Variants in EMP2 observed in about 807,000 individuals in gnomAD.
EMP2 encodes the protein epithelial membrane protein 2.
Under a neutral mutation model 13.7 loss-of-function variants are expected in EMP2, and 19 were observed. The ratio of observed to expected loss-of-function variants is 1.38; its 90% CI spans 0.97 to 2.03. The LOEUF (loss-of-function observed/expected upper bound fraction) is 2.03. Among genes scored for constraint, EMP2 ranks in the 30% most tolerant of loss-of-function variants. The pLI is 0.00. For missense variants in EMP2, 253 were observed against 220.7 expected (o/e 1.15, Z -0.93); for synonymous variants, 97 against 84.7 (o/e 1.15, Z -0.80).
intron 1 of EMP2, among the ~76,000 whole-genome samples, chr16:10,558,720 T>C (rs1191359831): frequency 6.6e-6 from 1 of 152,002 alleles, no homozygotes; most frequent in Non-Finnish European, 1.5e-5. Flanking sequence ...TCTCCACCCG[T>C]GAGCCCCATC....
chr16:10,552,167 A>T lies in EMP2; in HGVS notation c.-60-4490T>A, dbSNP rs112775276. ...TGCATTTCTGACCCTGGGGGGAAAA[A>T]GGGCTCATGTACCACGCTGAATGCC... On this transcript the variant is annotated intron_variant, in intron 1 of 4. Transcript: ENST00000359543. 7.2e-3 allele frequency among the ~76,000 whole-genome samples: 1,080 copies of T among 149,694 alleles called. 10 individuals carry two copies. Among genetic ancestry groups the T allele is most frequent in the African/African-American group, 0.025 (1,029 of 40,446 alleles).
chr16:10,534,192 C>T (rs1223536099), intron 4 of EMP2, among the ~76,000 whole-genome samples: 1 of 152,108 alleles, frequency 6.6e-6, no homozygotes, highest in Non-Finnish European at 1.5e-5. Flanking sequence ...GCTCTCCTTT[C>T]TCTTGCTGAC....
chr16:10,554,103 C>T (rs2050809785), intron 1 of EMP2, among the ~76,000 whole-genome samples: 1 of 150,818 alleles, frequency 6.6e-6, no homozygotes, highest in South Asian at 2.1e-4. Context: ...GTGATATCGG[C>T]TCACTGCAAC....
chr16:10,537,811 C>A (rs568835337), intron 4 of EMP2, 117 bp downstream of exon 4: 3 of 1,369,616 alleles, frequency 2.2e-6, no homozygotes, highest in South Asian at 2.6e-5. Context: ...CAGCACCGCG[C>A]GGCTGCCAAT....
chr16:10,559,837 G>C (rs951276511), intron 1 of EMP2, among the ~76,000 whole-genome samples: 1 of 152,072 alleles, frequency 6.6e-6, no homozygotes, highest in Non-Finnish European at 1.5e-5. Flanking sequence ...ACCATGCCTG[G>C]CTAGTTTTTG....
At chr16:10,570,134 C>G (rs2050937045) in intron 1 of EMP2, among the ~76,000 whole-genome samples, 1 of 151,988 alleles carries the variant, frequency 6.6e-6, no homozygotes, top group Admixed American at 6.5e-5. Context: ...CCAGCTCTTG[C>G]TGGGCTTAAA....
intron 4 of EMP2, among the ~76,000 whole-genome samples, chr16:10,535,166 A>G (rs2050637622): frequency 6.6e-6 from 1 of 152,104 alleles, no homozygotes; most frequent in African/African-American, 2.4e-5. Flanking sequence ...GCTTGCGTCT[A>G]AAGATCCCTG....
At chr16:10,568,780 CTTTTT>C (rs58406598) in intron 1 of EMP2, among the ~76,000 whole-genome samples, 4 of 85,236 alleles carry the variant, frequency 4.7e-5, no homozygotes, top group African/African-American at 1.9e-4. Context: ...CTAGGATTTT[CTTTTT>C]TTTTTTTTTT....
chr16:10,543,496 A>T, intron 3 of EMP2, 74 bp downstream of exon 3: 1 of 1,531,708 alleles, frequency 6.5e-7, no homozygotes, highest in South Asian at 1.1e-5. Context: ...GGAGTCGGGG[A>T]ACCCGAAGCC....
rs2050709479 is a variant in EMP2, at chr16:10,542,729, G to A, written c.169+841C>T. The stretch of plus-strand genomic sequence containing the variant: ...GCCTTTTCATGTATTTTAGCTCATT[G>A]AAGAGGTGGGCACAGCAAAGGCATC... On this transcript the variant is annotated intron_variant, in intron 3 of 4. Transcript: ENST00000359543. Among the ~76,000 whole-genome samples the A allele has an allele frequency of 2.0e-5, 3 of 152,346 alleles. No homozygotes were observed. The South Asian group carries it at 6.2e-4, about 32-fold the overall frequency.
chr16:10,574,118 G>C (rs1286720781), intron 1 of EMP2, among the ~76,000 whole-genome samples: 1 of 151,158 alleles, frequency 6.6e-6, no homozygotes, highest in African/African-American at 2.4e-5. Context: ...TTGTATTTTT[G>C]GTAGAGATGG....
chr16:10,563,795 T>C (rs758962721), intron 1 of EMP2, among the ~76,000 whole-genome samples: 90 of 152,202 alleles, frequency 5.9e-4, no homozygotes, highest in Non-Finnish European at 9.7e-4. Flanking sequence ...GGGGATGACA[T>C]TGGTATCCCT....
intron 4 of EMP2, among the ~76,000 whole-genome samples, chr16:10,534,340 G>C (rs1596367148): frequency 6.6e-6 from 1 of 152,300 alleles, no homozygotes; most frequent in East Asian, 1.9e-4. Flanking sequence ...CGCAGACGCT[G>C]CTAAATCAGC....
At chr16:10,568,475 A>G (rs188059401) in intron 1 of EMP2, among the ~76,000 whole-genome samples, 179 of 152,352 alleles carry the variant, frequency 1.2e-3, no homozygotes, top group Admixed American at 4.1e-3. Flanking sequence ...CTCCTGGGAA[A>G]AAGAACAGAC....
At chr16:10,554,035 C>CT (rs34514394) in intron 1 of EMP2, among the ~76,000 whole-genome samples, 51,590 of 138,028 alleles carry the variant, frequency 0.37, 9,788 homozygotes, top group Non-Finnish European at 0.44. Flanking sequence ...TTCTTTCTTT[C>CT]TTTTTTTTTT....
chr16:10,559,348 G>T (rs1347567522), intron 1 of EMP2, among the ~76,000 whole-genome samples: 1 of 152,242 alleles, frequency 6.6e-6, no homozygotes, highest in African/African-American at 2.4e-5. Flanking sequence ...GGGGAAGAAA[G>T]AAGCCCATTT....
chr16:10,542,965 C>T (rs946558662), intron 3 of EMP2, among the ~76,000 whole-genome samples: 2 of 152,238 alleles, frequency 1.3e-5, no homozygotes, highest in Non-Finnish European at 2.9e-5. Context: ...CTTGCTTCAG[C>T]CTCCTCAGTG....
At chr16:10,557,251 G>A (rs1050508672) in intron 1 of EMP2, among the ~76,000 whole-genome samples, 1 of 151,862 alleles carries the variant, frequency 6.6e-6, no homozygotes, top group African/African-American at 2.4e-5. Flanking sequence ...CAGCTACTTG[G>A]GAGGCTGAGG....
intron 1 of EMP2, among the ~76,000 whole-genome samples, chr16:10,572,915 A>G: frequency 6.6e-6 from 1 of 152,204 alleles, no homozygotes; most frequent in African/African-American, 2.4e-5. Flanking sequence ...AGAAGCTCCC[A>G]TCCCCATTCC....
Sources: gnomAD v4.1 joint callset for allele counts (sites outside exome capture counted in the v4.1 genomes callset) on GRCh38, gnomAD v4.1.1 for gene constraint, MANE v1.5 for transcripts, NCBI Gene and HGNC (gene_info 2026-07-23, HGNC 2026-07-21) for gene names.